PRKN: variants seen among roughly 807,000 people sequenced by gnomAD.
PRKN encodes the protein E3 ubiquitin-protein ligase parkin.
PRKN carries 56 observed loss-of-function variants against 59.5 expected under a neutral mutation model. The ratio of observed to expected loss-of-function variants is 0.94; its 90% CI spans 0.76 to 1.18. The LOEUF is 1.18. PRKN is among the 50% of genes most tolerant of loss of function. The pLI is 0.00. For synonymous variants in PRKN, 250 were observed against 222.1 expected (o/e 1.13, Z -1.12); for missense variants, 657 against 596.4 (o/e 1.10, Z -1.06).
intron 7 of PRKN, among the ~76,000 whole-genome samples, chr6:161,580,643 A>AT (rs11450756): frequency 0.094 from 14,197 of 151,506 alleles, 2,261 homozygotes; most frequent in African/African-American, 0.33. Flanking sequence ...TGCCAGGCTA[A>AT]TTTTTTTGTA....
chr6:161,532,166 C>CTCTCTCTCTATATA (rs1355724171), intron 9 of PRKN, among the ~76,000 whole-genome samples: 1 of 115,420 alleles, frequency 8.7e-6, no homozygotes, highest in African/African-American at 3.3e-5. Context: ...CTCTCTCTCT[C>CTCTCTCTCTATATA]TATATATATA....
intron 1 of PRKN, among the ~76,000 whole-genome samples, chr6:162,574,402 G>T (rs1188831772): frequency 1.3e-5 from 2 of 152,110 alleles, no homozygotes; most frequent in Non-Finnish European, 2.9e-5. Context: ...GCATTTTGAG[G>T]TTATGCTGCC....
intron 1 of PRKN, among the ~76,000 whole-genome samples, chr6:162,647,788 T>C (rs2128225874): frequency 6.6e-6 from 1 of 152,012 alleles, no homozygotes; most frequent in African/African-American, 2.4e-5. Context: ...CTCACAATTT[T>C]CCCTACTTTA....
rs562000018 is a variant in PRKN, at chr6:162,648,125, T to C, written c.7+79537A>G. ...GTGTAAAAAGACGAGCGATGTAAAA[T>C]GGCAGTATTATATAACTCTACTGTA... On this transcript the variant is annotated intron_variant, in intron 1 of 11. Transcript: ENST00000366898. Among the ~76,000 whole-genome samples the C allele has an allele frequency of 2.6e-5, 4 of 152,124 alleles. No individual in the cohort carries two copies. The South Asian group carries it at 8.3e-4, about 32-fold the overall frequency.
intron 6 of PRKN, among the ~76,000 whole-genome samples, chr6:161,859,354 C>T (rs1793792530): frequency 6.6e-6 from 1 of 151,826 alleles, no homozygotes; most frequent in Non-Finnish European, 1.5e-5. Flanking sequence ...CCTGTAATCC[C>T]AGCACTTTGG....
intron 7 of PRKN, among the ~76,000 whole-genome samples, chr6:161,704,810 G>T (rs1480892548): frequency 6.6e-6 from 1 of 152,112 alleles, no homozygotes; most frequent in African/African-American, 2.4e-5. Context: ...AATGATCTAT[G>T]CTTCCTCCTC....
intron 5 of PRKN, among the ~76,000 whole-genome samples, chr6:161,977,243 G>C (rs1159078367): frequency 6.6e-6 from 1 of 152,118 alleles, no homozygotes; most frequent in African/African-American, 2.4e-5. Context: ...CAGAGACAAA[G>C]GACTGCAGAA....
chr6:162,648,246 A>G (rs1778272811), intron 1 of PRKN, among the ~76,000 whole-genome samples: 1 of 152,164 alleles, frequency 6.6e-6, no homozygotes, highest in Non-Finnish European at 1.5e-5. Context: ...TTTTATAATC[A>G]CGTTTTTGTA....
chr6:161,507,581 C>T (rs2115321699), intron 9 of PRKN, among the ~76,000 whole-genome samples: 1 of 152,266 alleles, frequency 6.6e-6, no homozygotes, highest in South Asian at 2.1e-4. Flanking sequence ...CCAAGCTTTC[C>T]TCTCGGCCCA....
intron 2 of PRKN, among the ~76,000 whole-genome samples, chr6:162,397,611 A>G (rs1787540636): frequency 6.6e-6 from 1 of 152,144 alleles, no homozygotes; most frequent in Non-Finnish European, 1.5e-5. Context: ...GCTCCAATCC[A>G]TGAGCTCTTC....
chr6:161,583,197 G>C (rs1781407212), intron 7 of PRKN, among the ~76,000 whole-genome samples: 1 of 152,094 alleles, frequency 6.6e-6, no homozygotes. Flanking sequence ...TGAGCACACA[G>C]GGCATAGGTT....
chr6:161,834,897 C>T (rs955759729), intron 6 of PRKN, among the ~76,000 whole-genome samples: 5 of 152,082 alleles, frequency 3.3e-5, no homozygotes, highest in African/African-American at 4.8e-5. Context: ...GATGAGCCAC[C>T]CCACCTAGCT....
chr6:161,758,265 G>C (rs1789037567), intron 7 of PRKN, among the ~76,000 whole-genome samples: 1 of 152,050 alleles, frequency 6.6e-6, no homozygotes, highest in Non-Finnish European at 1.5e-5. Flanking sequence ...CATGTACAAA[G>C]ACTTGCATAA....
chr6:161,839,309 C>T (rs1792887232), intron 6 of PRKN, among the ~76,000 whole-genome samples: 2 of 152,086 alleles, frequency 1.3e-5, no homozygotes, highest in African/African-American at 4.8e-5. Context: ...GGGATGGGCT[C>T]ACTCCAGGTA....
At chr6:161,970,596 G>A (rs969305545) in intron 6 of PRKN, among the ~76,000 whole-genome samples, 2 of 151,484 alleles carry the variant, frequency 1.3e-5, no homozygotes, top group African/African-American at 4.9e-5. Context: ...GGAGCGCAGT[G>A]GTACAATCTT....
At position 161,548,913 on chromosome 6, in the gene PRKN, G is replaced by A. The variant is rs2115426507; in HGVS notation, c.1024C>T (p.Leu342=). 2.5e-6 allele frequency: 4 copies of A among 1,614,170 alleles called. No individual in the cohort carries two copies. Among genetic ancestry groups the A allele is most frequent in the Non-Finnish European group, 3.4e-6 (4 of 1,180,016 alleles). The part of the protein sequence containing the change: ...CPRPGCGAGL[L]PEPDQRKVTC... ...ACTTTCCTCTGGTCAGGCTCCGGCA[G>A]CAGCCCCGCTCCACAGCCAGGGCGG... Residue 342 remains leucine (L), a synonymous_variant, in exon 9 of 12, where the codon CTG becomes TTG. Coordinates refer to ENST00000366898, the MANE Select transcript of PRKN (RefSeq NM_004562.3). The surrounding 1 kb of genome is among the most constrained non-coding windows in gnomAD (Gnocchi z 4.2).
intron 6 of PRKN, among the ~76,000 whole-genome samples, chr6:161,888,385 T>G (rs548784808): frequency 2.7e-4 from 41 of 152,298 alleles, no homozygotes; most frequent in Non-Finnish European, 4.1e-4. Flanking sequence ...CGGTACAACC[T>G]CAATGTTCTC....
intron 2 of PRKN, among the ~76,000 whole-genome samples, chr6:162,281,323 A>G (rs1294490541): frequency 2.6e-5 from 4 of 152,088 alleles, no homozygotes; most frequent in Non-Finnish European, 4.4e-5. Flanking sequence ...GTAAATGATG[A>G]GCTGACGGGT....
intron 5 of PRKN, among the ~76,000 whole-genome samples, chr6:162,003,834 A>G (rs1183928103): frequency 6.6e-6 from 1 of 152,152 alleles, no homozygotes; most frequent in Non-Finnish European, 1.5e-5. Flanking sequence ...GATTGGTAAT[A>G]CAGTTTAAAT....
Sources: allele counts gnomAD v4.1 joint callset (sites outside exome capture counted in the v4.1 genomes callset), GRCh38; gene constraint gnomAD v4.1.1; non-coding constraint Gnocchi (gnomAD v3.1); transcripts MANE v1.5; gene names NCBI Gene and HGNC (gene_info 2026-07-23, HGNC 2026-07-21).